CCBE1: variants seen among roughly 807,000 people sequenced by gnomAD.
CCBE1 encodes the protein collagen and calcium binding EGF domains 1.
CCBE1 carries 37 observed loss-of-function variants against 50.0 expected under a neutral mutation model. The ratio of observed to expected loss-of-function variants is 0.74; its 90% CI spans 0.57 to 0.97. The LOEUF is 0.97. Ranked by LOEUF, CCBE1 falls within the 50% of genes least tolerant of loss-of-function variation. The pLI is 0.00. For synonymous variants in CCBE1, 234 were observed against 203.7 expected (o/e 1.15, Z -1.27); for missense variants, 538 against 523.8 (o/e 1.03, Z -0.26).
At chr18:59,497,872 G>T (rs588831) in intron 2 of CCBE1, among the ~76,000 whole-genome samples, 1 of 152,122 alleles carries the variant, frequency 6.6e-6, no homozygotes, top group South Asian at 2.1e-4. Context: ...CAATCCAGCC[G>T]CCTCTGTCTG....
intron 2 of CCBE1, among the ~76,000 whole-genome samples, chr18:59,624,220 T>C (rs997372034): frequency 1.2e-4 from 18 of 152,358 alleles, no homozygotes; most frequent in African/African-American, 3.8e-4. Flanking sequence ...GAAAACACTA[T>C]TGATGTTTCA....
At chr18:59,465,978 T>A (rs1374007900) in intron 5 of CCBE1, among the ~76,000 whole-genome samples, 1 of 152,080 alleles carries the variant, frequency 6.6e-6, no homozygotes, top group Non-Finnish European at 1.5e-5. Flanking sequence ...TTCTTTCTCT[T>A]TAGAAGGAGT....
chr18:59,456,957 G>A (rs1049869157), intron 5 of CCBE1, among the ~76,000 whole-genome samples: 13 of 152,148 alleles, frequency 8.5e-5, no homozygotes, highest in Non-Finnish European at 1.2e-4. Context: ...CCCGAGCTAG[G>A]TACACATTTC....
chr18:59,542,169 G>T, intron 2 of CCBE1, among the ~76,000 whole-genome samples: 1 of 58,526 alleles, frequency 1.7e-5, no homozygotes, highest in Non-Finnish European at 3.4e-5. Context: ...GTGAGATCCT[G>T]TCTCAAAAAA....
At chr18:59,473,859 C>T (rs935811809) in intron 3 of CCBE1, among the ~76,000 whole-genome samples, 2 of 11,616 alleles carry the variant, frequency 1.7e-4, no homozygotes, top group Middle Eastern at 0.031. Context: ...TTTCCTCCCC[C>T]GACTACTCAC....
intron 2 of CCBE1, among the ~76,000 whole-genome samples, chr18:59,634,060 TAAA>T (rs2144632324): frequency 6.6e-6 from 1 of 152,314 alleles, no homozygotes; most frequent in East Asian, 1.9e-4. Context: ...CTCAACAGCC[TAAA>T]CATACTAGGG....
intron 2 of CCBE1, among the ~76,000 whole-genome samples, chr18:59,647,552 G>T (rs745608009): frequency 3.3e-5 from 5 of 152,016 alleles, no homozygotes; most frequent in Non-Finnish European, 7.4e-5. Context: ...CTAACAACTG[G>T]GTTGGCAGAA....
intron 2 of CCBE1, among the ~76,000 whole-genome samples, chr18:59,628,200 G>T (rs1442252304): frequency 6.6e-6 from 1 of 152,150 alleles, no homozygotes; most frequent in Non-Finnish European, 1.5e-5. Context: ...CTGGGCAACA[G>T]AGTGATATCC....
intron 2 of CCBE1, among the ~76,000 whole-genome samples, chr18:59,532,447 A>T (rs1915090224): frequency 6.6e-6 from 1 of 152,202 alleles, no homozygotes; most frequent in African/African-American, 2.4e-5. Context: ...AGCACTAGGC[A>T]ATGTGGACCT....
At chr18:59,609,924 C>T (rs2564475) in intron 2 of CCBE1, among the ~76,000 whole-genome samples, 12,173 of 152,252 alleles carry the variant, frequency 0.08, 521 homozygotes, top group East Asian at 0.13. Context: ...TAAGTTCTTT[C>T]TCTGATGTTG....
In CCBE1 at chr18:59,697,191, G is replaced by T. The variant is rs111942859; in HGVS notation, c.131+21C>A. 1.8e-5 allele frequency: 28 copies of T among 1,548,120 alleles called. 2 individuals carry two copies. The highest frequency in any genetic ancestry group is 1.5e-4 in the African/African-American group (11 of 73,082). ...CGCATCAAGCAGGAGCTCGCCCTCC[G>T]CTGGGGCTTGCAGCGCTTACCTGTC... On this transcript the variant is annotated intron_variant, in intron 1 of 10. Coordinates refer to ENST00000439986, the MANE Select transcript of CCBE1 (RefSeq NM_133459.4).
At chr18:59,667,934 G>T (rs1323755694) in intron 2 of CCBE1, among the ~76,000 whole-genome samples, 2 of 152,030 alleles carry the variant, frequency 1.3e-5, no homozygotes, top group Non-Finnish European at 2.9e-5. Context: ...TAGGTGTTAC[G>T]ATGGACACAG....
intron 7 of CCBE1, among the ~76,000 whole-genome samples, chr18:59,443,000 TTTG>T (rs1027430596): frequency 1.9e-4 from 21 of 109,416 alleles, no homozygotes; most frequent in Admixed American, 1.7e-3. Flanking sequence ...TGTGTTTTGT[TTTG>T]TTTTTTTAAT....
intron 2 of CCBE1, among the ~76,000 whole-genome samples, chr18:59,661,424 G>C (rs2054283624): frequency 1.3e-5 from 2 of 152,190 alleles, no homozygotes; most frequent in Non-Finnish European, 2.9e-5. Context: ...TTAGCTGACT[G>C]TTCTGATGCC....
At chr18:59,603,508 C>G (rs539558051) in intron 2 of CCBE1, among the ~76,000 whole-genome samples, 1 of 152,150 alleles carries the variant, frequency 6.6e-6, no homozygotes, top group Non-Finnish European at 1.5e-5. Flanking sequence ...AGGGAAGATA[C>G]CTCCCTGCTT....
At chr18:59,623,820 T>C (rs2053743255) in intron 2 of CCBE1, among the ~76,000 whole-genome samples, 1 of 151,932 alleles carries the variant, frequency 6.6e-6, no homozygotes, top group African/African-American at 2.4e-5. Flanking sequence ...ACACATGAAT[T>C]CAAAGGAATG....
intron 2 of CCBE1, among the ~76,000 whole-genome samples, chr18:59,560,659 G>C (rs181151815): frequency 5.9e-5 from 9 of 152,250 alleles, no homozygotes; most frequent in Admixed American, 3.9e-4. Flanking sequence ...CAAAAGCAGG[G>C]TGTGTTCATG....
At chr18:59,682,160 G>A (rs1451805219) in intron 2 of CCBE1, among the ~76,000 whole-genome samples, 4 of 152,144 alleles carry the variant, frequency 2.6e-5, no homozygotes, top group African/African-American at 9.7e-5. Flanking sequence ...TCTAGAAATC[G>A]AGACCATCCT....
At chr18:59,475,838 C>G (rs931765002) in intron 3 of CCBE1, among the ~76,000 whole-genome samples, 1 of 152,200 alleles carries the variant, frequency 6.6e-6, no homozygotes, top group Non-Finnish European at 1.5e-5. Context: ...CCTGCCTCAG[C>G]CTCTGGAGTA....
Sources: allele counts gnomAD v4.1 joint callset (sites outside exome capture counted in the v4.1 genomes callset), GRCh38; gene constraint gnomAD v4.1.1; transcripts MANE v1.5; gene names NCBI Gene and HGNC (gene_info 2026-07-23, HGNC 2026-07-21).